The following PCAT7 variants were observed in gnomAD, a reference collection of about 807,000 sequenced individuals.
PCAT7 encodes prostate cancer associated transcript 7 (non-protein coding).
intron 1 of PCAT7, among the ~76,000 whole-genome samples, chr9:94,556,361 G>C (rs1393120123): frequency 6.6e-6 from 1 of 152,008 alleles, no homozygotes; most frequent in Non-Finnish European, 1.5e-5. Flanking sequence ...AAAGCGTGGT[G>C]AGCGGGAGAG....
intron 1 of PCAT7, among the ~76,000 whole-genome samples, chr9:94,555,622 T>G: frequency 6.7e-6 from 1 of 149,286 alleles, no homozygotes; most frequent in South Asian, 2.1e-4. Context: ...AGAGAAGGTT[T>G]TGTGAAAAGA....
intron 2 of PCAT7, chr9:94,567,748 CG>C (rs1374492498): frequency 8.4e-6 from 2 of 238,052 alleles, no homozygotes; most frequent in African/African-American, 4.4e-5. Context: ...AGTTCTCACC[CG>C]CAGATTAATG....
chr9:94,571,288 G>A (rs1411048609), intron 2 of PCAT7, among the ~76,000 whole-genome samples: 3 of 152,178 alleles, frequency 2.0e-5, no homozygotes, highest in African/African-American at 7.2e-5. Flanking sequence ...CACTGGGACA[G>A]AGGCCCTTCA....
At chr9:94,573,766 A>G (rs777144933) in intron 3 of PCAT7, among the ~76,000 whole-genome samples, 1 of 152,168 alleles carries the variant, frequency 6.6e-6, no homozygotes, top group African/African-American at 2.4e-5. Flanking sequence ...ATTGATAAGG[A>G]ATATTGGTCT....
At chr9:94,559,089 T>C (rs772087699) in exon 2 of PCAT7, 1 of 1,613,966 alleles carries the variant, frequency 6.2e-7, no homozygotes, top group South Asian at 1.1e-5. Flanking sequence ...TCCTGCCTGC[T>C]CAATGATGTA....
intron 1 of PCAT7, chr9:94,558,947 T>C: frequency 6.2e-7 from 1 of 1,614,056 alleles, no homozygotes; most frequent in Non-Finnish European, 8.5e-7. Flanking sequence ...GCTAGCTGCC[T>C]GCCTGATTTT....
intron 2 of PCAT7, among the ~76,000 whole-genome samples, chr9:94,566,952 T>C (rs541191636): frequency 1.8e-5 from 2 of 113,274 alleles, no homozygotes; most frequent in Non-Finnish European, 3.6e-5. Context: ...AGTCTATAGG[T>C]TGGAGCTTAA....
Position 94,557,305 on chromosome 9 carries a change from C to T in PCAT7, n.258-1664C>T, listed in dbSNP as rs529608719. Among the ~76,000 whole-genome samples the T allele has an allele frequency of 3.9e-5, 6 of 152,212 alleles. No homozygotes were observed. The South Asian group carries it at 8.3e-4, about 21-fold the overall frequency. On this transcript the variant is annotated intron_variant and non_coding_transcript_variant, in intron 1 of 8. Transcript: ENST00000647389. ...CACAGATTGCATTGATTCTGTAGAT[C>T]GCATTGGGTGATATAGATATTTTAA...
chr9:94,572,151 C>T (rs642952), intron 2 of PCAT7, among the ~76,000 whole-genome samples: 73,906 of 151,932 alleles, frequency 0.49, 18,612 homozygotes, highest in African/African-American at 0.61. Context: ...TCTCACTTGC[C>T]TCTCTTCCCG....
At chr9:94,562,309 CAAAA>C (rs397893359) in intron 2 of PCAT7, among the ~76,000 whole-genome samples, 3 of 72,106 alleles carry the variant, frequency 4.2e-5, no homozygotes, top group Admixed American at 3.5e-4. Context: ...GACTCCATCT[CAAAA>C]AAAAAAAAAA....
rs1315693095 is a variant in PCAT7 at position 94,559,938 on chromosome 9, G to C, written n.441+786G>C. 3.9e-5 allele frequency among the ~76,000 whole-genome samples: 6 copies of C among 152,236 alleles called. No homozygotes were observed. In the East Asian group the frequency reaches 7.7e-4, roughly 20 times the overall value. On this transcript the variant is annotated intron_variant and non_coding_transcript_variant, in intron 2 of 8. Transcript: ENST00000647389. ...AGTCCAGGCATTTGAGACCCCATTT[G>C]AGATAGTGAGACCCCATCTCTACAA...
intron 2 of PCAT7, among the ~76,000 whole-genome samples, chr9:94,561,669 C>T (rs2131440407): frequency 6.6e-6 from 1 of 151,902 alleles, no homozygotes; most frequent in South Asian, 2.1e-4. Context: ...CCAGCCATGA[C>T]CTGTACTTTC....
chr9:94,571,819 G>A (rs914284983), intron 2 of PCAT7, among the ~76,000 whole-genome samples: 1 of 152,188 alleles, frequency 6.6e-6, no homozygotes, highest in Non-Finnish European at 1.5e-5. Flanking sequence ...CTTCCTTCCT[G>A]TTTTCCAAAC....
At chr9:94,570,930 A>C (rs1827262299) in intron 2 of PCAT7, 1 of 152,244 alleles carries the variant, frequency 6.6e-6, no homozygotes, top group African/African-American at 2.4e-5. Context: ...GTAAATCAAA[A>C]ACTTAAATAC....
intron 1 of PCAT7, among the ~76,000 whole-genome samples, chr9:94,557,878 A>G (rs1375094791): frequency 1.3e-5 from 2 of 152,230 alleles, no homozygotes; most frequent in East Asian, 3.8e-4. Flanking sequence ...TTTCAGATGC[A>G]TAAGCCAACC....
intron 2 of PCAT7, among the ~76,000 whole-genome samples, chr9:94,561,848 C>T (rs922149992): frequency 2.6e-5 from 4 of 152,118 alleles, no homozygotes; most frequent in Non-Finnish European, 2.9e-5. Flanking sequence ...GGTGGTTATG[C>T]GCAGCAAACG....
chr9:94,568,991 T>C (rs544861253), intron 2 of PCAT7: 1 of 152,364 alleles, frequency 6.6e-6, no homozygotes, highest in East Asian at 1.9e-4. Context: ...GCCTGCTAAA[T>C]CTAACTTCGG....
intron 2 of PCAT7, among the ~76,000 whole-genome samples, chr9:94,563,733 CAAAG>C (rs546935167): frequency 4.2e-4 from 64 of 151,824 alleles, no homozygotes; most frequent in African/African-American, 1.5e-3. Flanking sequence ...GCTAAACAAA[CAAAG>C]AAAAAGGAAG....
At chr9:94,559,260 C>G (rs1335571690) in intron 2 of PCAT7, 1 of 756,702 alleles carries the variant, frequency 1.3e-6, no homozygotes, top group East Asian at 2.7e-5. Context: ...GCACCATGCA[C>G]CTTGCAAGAG....
Sources: gnomAD v4.1 joint callset for allele counts (sites outside exome capture counted in the v4.1 genomes callset) on GRCh38, gnomAD v4.1.1 for gene constraint, MANE v1.5 for transcripts, NCBI Gene and HGNC (gene_info 2026-07-23, HGNC 2026-07-21) for gene names.